The following LRP2 variants were observed in gnomAD, a reference collection of about 807,000 sequenced individuals.
LRP2 encodes the protein low-density lipoprotein receptor-related protein 2.
LRP2 carries 172 observed loss-of-function variants against 531.0 expected under a neutral mutation model. The observed-to-expected ratio is 0.32, with a 90% CI of 0.29 to 0.37. The LOEUF is 0.37. LRP2 is among the 10% of genes least tolerant of loss of function. The pLI, the probability that LRP2 is intolerant of heterozygous loss-of-function variation, is 1.00. For synonymous variants in LRP2, 1,992 were observed against 2,027.6 expected (o/e 0.98, Z 0.47); for missense variants, 5,167 against 5,868.3 (o/e 0.88, Z 3.90).
intron 52 of LRP2, among the ~76,000 whole-genome samples, chr2:169,178,808 C>T (rs1687312269): frequency 1.3e-5 from 2 of 152,138 alleles, no homozygotes; most frequent in Non-Finnish European, 1.5e-5. Flanking sequence ...AAAACTCAAA[C>T]AGGAGATAGA....
intron 52 of LRP2, among the ~76,000 whole-genome samples, chr2:169,180,119 C>T (rs973432695): frequency 2.6e-5 from 4 of 152,128 alleles, no homozygotes; most frequent in African/African-American, 4.8e-5. Flanking sequence ...CTGAGTGACA[C>T]CTACTAAGCT....
intron 9 of LRP2, 98 bp downstream of exon 9, chr2:169,288,928 C>T (rs762620031): frequency 4.4e-5 from 70 of 1,577,144 alleles, no homozygotes; most frequent in Non-Finnish European, 5.3e-5. Context: ...CAGACCATGA[C>T]GACTCTCCAC....
chr2:169,331,125 A>T (rs1490308864), intron 1 of LRP2, among the ~76,000 whole-genome samples: 1 of 152,148 alleles, frequency 6.6e-6, no homozygotes, highest in Non-Finnish European at 1.5e-5. Flanking sequence ...AGAAAAACAC[A>T]AGCATCTGAA....
chr2:169,355,993 C>T (rs1685977643), intron 1 of LRP2, among the ~76,000 whole-genome samples: 1 of 152,094 alleles, frequency 6.6e-6, no homozygotes, highest in South Asian at 2.1e-4. Flanking sequence ...TGGGCTCAAG[C>T]GATCATCTCA....
chr2:169,227,375 CA>C (rs1689238505), intron 31 of LRP2, among the ~76,000 whole-genome samples: 1 of 152,204 alleles, frequency 6.6e-6, no homozygotes, highest in African/African-American at 2.4e-5. Context: ...GTAATTTAAA[CA>C]TTCCCATAAT....
rs578179119 is a variant in LRP2 at position 169,259,131 on chromosome 2, A to G, written c.2407T>C (p.Ser803Pro). Residue 803 changes from serine to proline, a missense_variant, in exon 17 of 79, where the codon TCT (serine) becomes CCT (proline). Transcript: ENST00000649046. ...ATGACACTGATACTCTTGTAATGAG[A>G]GTCTGTCCAATAGAGATTCTTTGAA... ...WISKNLYWTD[S>P]HYKSISVMRL... The G allele has an allele frequency of 2.5e-6, 4 of 1,613,104 alleles. No homozygotes were observed. The South Asian group carries it at 3.3e-5, about 13-fold the overall frequency.
intron 46 of LRP2, among the ~76,000 whole-genome samples, chr2:169,195,547 T>C (rs942216454): frequency 1.3e-5 from 2 of 152,212 alleles, no homozygotes; most frequent in African/African-American, 4.8e-5. Flanking sequence ...TATTCATATA[T>C]AGATTATGTG....
rs770562964 is a variant in LRP2, at chr2:169,185,500, T to C, written c.9845+3A>G. 24 of 1,613,110 alleles carry C rather than the reference T, an allele frequency of 1.5e-5. No homozygotes were observed. Among genetic ancestry groups the C allele is most frequent in the Non-Finnish European group, 1.9e-5 (23 of 1,179,954 alleles). ...TTTAAAAAGCTCATCAGTGTTTTCT[T>C]ACCTGGAAACCCAGTCTACAGCCAG... On this transcript the variant is annotated splice_donor_region_variant and intron_variant, in intron 50 of 78. Transcript: ENST00000649046.
Position 169,177,886 on chromosome 2 carries a change from T to C in LRP2, c.10310A>G (p.Asp3437Gly), listed in dbSNP as rs1275785424. ...CACCAGTGTCTGTCTATTTGATCCATCATATTTGTTTCCCTTTTCCACTGT... is the reference window on the plus strand; with the variant it reads ...CACCAGTGTCTGTCTATTTGATCCACCATATTTGTTTCCCTTTTCCACTGT... ...TRTVEKGNKY[D>G]GSNRQTLVNT... The change falls in exon 53 of 79, where the codon GAT becomes GGT. Residue 3437 changes from aspartate to glycine, a missense_variant. By Grantham distance (94) the Asp-to-Gly change is moderately conservative (BLOSUM62 -1). Transcript: ENST00000649046. The C allele has an allele frequency of 2.5e-6, 4 of 1,614,226 alleles. No homozygotes were observed. The South Asian group carries it at 4.4e-5, about 18-fold the overall frequency.
At chr2:169,169,042 G>T (rs1686894465) in intron 60 of LRP2, among the ~76,000 whole-genome samples, 1 of 152,214 alleles carries the variant, frequency 6.6e-6, no homozygotes, top group Non-Finnish European at 1.5e-5. Context: ...TGATGGATCA[G>T]CAATAATGAT....
At chr2:169,278,561 A>G (rs933165560) in intron 12 of LRP2, among the ~76,000 whole-genome samples, 1 of 152,042 alleles carries the variant, frequency 6.6e-6, no homozygotes, top group Non-Finnish European at 1.5e-5. Flanking sequence ...TCTTTTTTAC[A>G]CCCAGGAAAA....
rs889517869 is a variant in LRP2, at chr2:169,201,719, C to T, written c.8361G>A (p.Met2787Ile). ...FRDCNATTEF[M>I]CNNRRCIPRE... Reference sequence around the variant, plus strand: ...GAGGTATGCACCTTCTGTTATTGCACATAAACTCCGTGGTGGCATTGCAGT... The same window carrying T: ...GAGGTATGCACCTTCTGTTATTGCATATAAACTCCGTGGTGGCATTGCAGT... Residue 2787 changes from methionine (M) to isoleucine (I), a missense_variant, in exon 44 of 79, where the codon ATG becomes ATA. This residue lies in a region of LRP2 where 1,129 missense variants were observed against 1,362.7 expected (regional missense o/e 0.83). Transcript: ENST00000649046. The T allele has an allele frequency of 5.0e-6, 8 of 1,614,034 alleles. No homozygotes were observed. In the African/African-American group the frequency reaches 1.1e-4, roughly 22 times the overall value.
intron 1 of LRP2, among the ~76,000 whole-genome samples, chr2:169,338,086 T>C (rs764760628): frequency 1.3e-4 from 20 of 150,572 alleles, no homozygotes; most frequent in African/African-American, 4.9e-4. Context: ...CACTCCAGCC[T>C]GACTGACAGA....
At chr2:169,318,620 G>A in intron 3 of LRP2, 142 bp downstream of exon 3, 2 of 1,138,092 alleles carry the variant, frequency 1.8e-6, no homozygotes, top group Non-Finnish European at 2.6e-6. Flanking sequence ...CCCTGAATGA[G>A]ATTGCTGGCA....
intron 1 of LRP2, among the ~76,000 whole-genome samples, chr2:169,348,626 C>T (rs1310444930): frequency 1.6e-4 from 25 of 152,328 alleles, no homozygotes; most frequent in Admixed American, 1.4e-3. Flanking sequence ...AGTCTAAAAA[C>T]TTTGGCTTAT....
intron 1 of LRP2, among the ~76,000 whole-genome samples, chr2:169,355,038 C>A (rs1362861770): frequency 6.6e-6 from 1 of 152,186 alleles, no homozygotes; most frequent in Non-Finnish European, 1.5e-5. Context: ...TGAAATACTG[C>A]ACCAGACTTA....
chr2:169,211,596 T>C (rs558017477), intron 37 of LRP2, among the ~76,000 whole-genome samples: 27 of 152,292 alleles, frequency 1.8e-4, no homozygotes, highest in Admixed American at 1.1e-3. Context: ...ACCAACTCTG[T>C]AGTACTTCTT....
rs147441140 is a variant in LRP2 at position 169,142,063 on chromosome 2, C to T, written c.13108+611G>A. On this transcript the variant is annotated intron_variant, in intron 71 of 78. Coordinates refer to ENST00000649046, the MANE Select transcript of LRP2 (RefSeq NM_004525.3). ...AATGGGCCGCTAGTGAATTGCAGGA[C>T]GACTTTTTCACAGGCTTTTCCAGCA... 3.6e-3 allele frequency among the ~76,000 whole-genome samples: 550 copies of T among 152,306 alleles called. 3 individuals are homozygous for T. Among genetic ancestry groups the T allele is most frequent in the East Asian group, 0.014 (72 of 5,186 alleles).
chr2:169,257,828 A>AC (rs1379197306), intron 17 of LRP2, among the ~76,000 whole-genome samples: 4 of 64,084 alleles, frequency 6.2e-5, no homozygotes, highest in African/African-American at 2.4e-4. Context: ...ACAAAAACAA[A>AC]AAAAAAAAAC....
Sources: allele counts gnomAD v4.1 joint callset (sites outside exome capture counted in the v4.1 genomes callset), GRCh38; gene constraint gnomAD v4.1.1; regional missense constraint gnomAD v4.1.1; transcripts MANE v1.5; gene names NCBI Gene and HGNC (gene_info 2026-07-23, HGNC 2026-07-21).